ZFYVE27: variants seen among roughly 807,000 people sequenced by gnomAD.
ZFYVE27 encodes protrudin.
ZFYVE27 carries 36 observed loss-of-function variants against 52.8 expected under a neutral mutation model. The ratio of observed to expected loss-of-function variants is 0.68; its 90% CI spans 0.52 to 0.90. The LOEUF is 0.90. ZFYVE27 is among the 40% of genes least tolerant of loss of function. The probability of loss-of-function intolerance (pLI) is 0.00; values close to 1 mark genes in which losing one functional copy is unlikely to be tolerated. For synonymous variants in ZFYVE27, 223 were observed against 215.6 expected (o/e 1.03, Z -0.30); for missense variants, 450 against 527.2 (o/e 0.85, Z 1.43).
intron 4 of ZFYVE27, among the ~76,000 whole-genome samples, chr10:97,745,170 T>TGTTCGTTC (rs1554889636): frequency 3.3e-4 from 26 of 78,586 alleles, no homozygotes; most frequent in African/African-American, 1.6e-3. Flanking sequence ...TCACAGCTTC[T>TGTTCGTTC]GTTCTTTCTT....
chr10:97,742,264 G>C (rs780373456), intron 2 of ZFYVE27, among the ~76,000 whole-genome samples: 1 of 151,966 alleles, frequency 6.6e-6, no homozygotes, highest in Non-Finnish European at 1.5e-5. Flanking sequence ...GGGTGTCGTG[G>C]CTTCATTGTT....
At chr10:97,750,052 T>A (rs1249790643) in intron 6 of ZFYVE27, 2 of 482,220 alleles carry the variant, frequency 4.1e-6, no homozygotes, top group African/African-American at 3.9e-5. Context: ...GGGTGATTGC[T>A]GTATTTGTTT....
intron 1 of ZFYVE27, among the ~76,000 whole-genome samples, 192 bp from the exon 2 acceptor site, chr10:97,738,285 A>G (rs2042659823): frequency 6.6e-6 from 1 of 152,136 alleles, no homozygotes; most frequent in South Asian, 2.1e-4. Context: ...CTTGGTTTTT[A>G]TGATTTTTAG....
chr10:97,757,984 G>T (rs1211581792), intron 12 of ZFYVE27: 3 of 459,570 alleles, frequency 6.5e-6, no homozygotes, highest in East Asian at 7.6e-5. Flanking sequence ...AAAAACAAGA[G>T]CCCTGGCAAC....
chr10:97,752,714 A>G (rs1164601247), intron 8 of ZFYVE27, 143 bp from the exon 9 acceptor site: 4 of 942,192 alleles, frequency 4.2e-6, no homozygotes, highest in African/African-American at 1.6e-5. Context: ...GCGTCTGTCA[A>G]TGTCACCATT....
At chr10:97,754,869 G>GTTCCCATT (rs1175511480) in intron 10 of ZFYVE27, 1 of 1,272,140 alleles carries the variant, frequency 7.9e-7, no homozygotes, top group Non-Finnish European at 1.0e-6. Flanking sequence ...GTACTTAGCT[G>GTTCCCATT]TTCCCATTTT....
chr10:97,737,536 A>T (rs781746735), intron 1 of ZFYVE27, among the ~76,000 whole-genome samples: 5 of 152,200 alleles, frequency 3.3e-5, no homozygotes, highest in Non-Finnish European at 7.3e-5. Flanking sequence ...TCCTGGGCTC[A>T]TACCTGGCGC....
Position 97,759,434 on chromosome 10 carries a change from T to C in ZFYVE27, c.*134T>C. ...AATGCTAGGTAGGCTTCCCCTTCCT[T>C]CCTCACTCTCTCCAGCTGGATTCTG... On this transcript the variant is annotated 3_prime_UTR_variant, in exon 13 of 13. Transcript: ENST00000684270. 1.1e-6 allele frequency: 1 copy of C among 871,726 alleles called. No homozygotes were observed. The highest frequency in any genetic ancestry group is 1.4e-5 in the South Asian group (1 of 70,870). The allele number at this position is 871,726 out of a possible 1,614,324, so 54.0% of individuals were successfully genotyped here. A position where few individuals can be genotyped will look rare whatever the true frequency, so the allele number is the denominator to read the frequency against.
intron 4 of ZFYVE27, 80 bp from the exon 5 acceptor site, chr10:97,748,189 C>T (rs767083114): frequency 6.1e-6 from 8 of 1,315,712 alleles, no homozygotes; most frequent in Non-Finnish European, 8.7e-6. Context: ...CCATCCCTAG[C>T]CAACTGTACC....
At chr10:97,748,463 T>C in intron 5 of ZFYVE27, 99 bp downstream of exon 5, 4 of 1,211,640 alleles carry the variant, frequency 3.3e-6, no homozygotes, top group South Asian at 1.3e-5. Context: ...CCCTCTTACC[T>C]CAGGGGAAGA....
chr10:97,745,114 G>C (rs1478516048), intron 4 of ZFYVE27, among the ~76,000 whole-genome samples, 199 bp downstream of exon 4: 1 of 152,178 alleles, frequency 6.6e-6, no homozygotes, highest in Non-Finnish European at 1.5e-5. Context: ...TACTTAGCTA[G>C]AAAGTGGCCA....
At chr10:97,740,750 GC>G (rs756129280) in intron 2 of ZFYVE27, among the ~76,000 whole-genome samples, 57 of 152,170 alleles carry the variant, frequency 3.7e-4, no homozygotes, top group Non-Finnish European at 6.9e-4. Context: ...GTTAGTTTGT[GC>G]TTTTGATTGT....
chr10:97,738,234 A>G (rs975275232), intron 1 of ZFYVE27, among the ~76,000 whole-genome samples: 1 of 152,182 alleles, frequency 6.6e-6, no homozygotes, highest in Non-Finnish European at 1.5e-5. Flanking sequence ...ACATCATTTC[A>G]TTTCAGCCCA....
chr10:97,743,617 A>G (rs2044355710), intron 3 of ZFYVE27, among the ~76,000 whole-genome samples: 1 of 152,226 alleles, frequency 6.6e-6, no homozygotes, highest in African/African-American at 2.4e-5. Context: ...ATCTGGGGAC[A>G]TGGCATGAGT....
At chr10:97,750,177 G>A in intron 6 of ZFYVE27, 154 bp from the exon 7 acceptor site, 3 of 890,268 alleles carry the variant, frequency 3.4e-6, no homozygotes, top group South Asian at 2.9e-5. Flanking sequence ...TGTTTAAGAG[G>A]CTTAAGTTAG....
intron 10 of ZFYVE27, 141 bp downstream of exon 10, chr10:97,753,323 TC>T: frequency 1.5e-6 from 2 of 1,330,570 alleles, no homozygotes; most frequent in Non-Finnish European, 2.0e-6. Flanking sequence ...TGAAGGTGTG[TC>T]CGCGGGACCC....
rs138479633 is a variant in ZFYVE27 at position 97,746,818 on chromosome 10, T to C, written c.456-1451T>C. On this transcript the variant is annotated intron_variant, in intron 4 of 12. Coordinates refer to ENST00000684270, the MANE Select transcript of ZFYVE27 (RefSeq NM_001385875.1). ...GATCCTTCTGCCTCAGCCTCCTGAG[T>C]AGCTGGGACCACAGGCACATGCACC... Among the ~76,000 whole-genome samples the C allele has an allele frequency of 2.0e-3, 309 of 152,050 alleles. 3 individuals are homozygous for C. The highest frequency in any genetic ancestry group is 0.017 in the Admixed American group (265 of 15,260).
intron 7 of ZFYVE27, among the ~76,000 whole-genome samples, chr10:97,751,036 C>T (rs974682455): frequency 1.3e-5 from 2 of 152,178 alleles, no homozygotes; most frequent in African/African-American, 4.8e-5. Flanking sequence ...AGCCACTGCA[C>T]CAGGCTGGTT....
chr10:97,752,672 G>A (rs2047289587), intron 8 of ZFYVE27, among the ~76,000 whole-genome samples, 185 bp from the exon 9 acceptor site: 1 of 152,122 alleles, frequency 6.6e-6, no homozygotes, highest in African/African-American at 2.4e-5. Context: ...CTTTCTCCAA[G>A]GCTGTTTGAT....
Sources: allele counts gnomAD v4.1 joint callset (sites outside exome capture counted in the v4.1 genomes callset), GRCh38; gene constraint gnomAD v4.1.1; transcripts MANE v1.5; gene names NCBI Gene and HGNC (gene_info 2026-07-23, HGNC 2026-07-21).